Variants in FBXO30 observed in about 807,000 individuals in gnomAD.
FBXO30 encodes F-box only protein 30.
A neutral mutation model predicts 58.1 loss-of-function variants in FBXO30; 21 were observed. That is an observed-to-expected ratio of 0.36 (90% CI 0.26 to 0.52). FBXO30 has a LOEUF of 0.52. FBXO30 is among the 20% of genes least tolerant of loss of function. The pLI, the probability that FBXO30 is intolerant of heterozygous loss-of-function variation, is 0.93. For synonymous variants in FBXO30, 309 were observed against 312.4 expected, an observed-to-expected ratio of 0.99 and a Z score of 0.11; for missense variants, 744 against 897.3, an observed-to-expected ratio of 0.83 and a Z score of 2.18.
In FBXO30 at chr6:145,811,045, CTAAG is replaced by C. The variant is rs750436180; in HGVS notation, c.-17+3554_-17+3557del. On this transcript the variant is annotated intron_variant, in intron 1 of 2. Coordinates refer to ENST00000237281, the MANE Select transcript of FBXO30 (RefSeq NM_032145.5). ...TTCCTTGGTAATACTAGTGACAACT[CTAAG>C]TAAGTCATCATTCTGTATAATATCT... Among the ~76,000 whole-genome samples the C allele has an allele frequency of 4.6e-5, 7 of 152,286 alleles. No individual in the cohort carries two copies. In the East Asian group the frequency reaches 1.2e-3, roughly 25 times the overall value.
At chr6:145,814,389 G>A (rs1778435216) in intron 1 of FBXO30, among the ~76,000 whole-genome samples, 2 of 152,092 alleles carry the variant, frequency 1.3e-5, no homozygotes, top group South Asian at 4.1e-4. Context: ...GAGCGCGGCG[G>A]ACGCCCTCTC....
chr6:145,804,271 G>C lies in FBXO30; in HGVS notation c.2034+101C>G, dbSNP rs186563723. ...CATCACACTGATTTAGTAAGTTTTA[G>C]GGAATGGTCAATTTCTCAACAAGAT... On this transcript the variant is annotated intron_variant, in intron 2 of 2. Coordinates refer to ENST00000237281, the MANE Select transcript of FBXO30 (RefSeq NM_032145.5). The C allele has an allele frequency of 4.8e-4, 501 of 1,040,812 alleles. 1 individual carries two copies. The African/African-American group carries it at 7.4e-3, about 15-fold the overall frequency. The allele number at this position is 1,040,812 out of a possible 1,614,324, so 64.5% of individuals were successfully genotyped here. A position where few individuals can be genotyped will look rare whatever the true frequency, so the allele number is the denominator to read the frequency against.
intron 1 of FBXO30, among the ~76,000 whole-genome samples, chr6:145,812,174 A>G (rs1778352341): frequency 1.3e-5 from 2 of 152,248 alleles, no homozygotes; most frequent in South Asian, 4.1e-4. Context: ...AAAATGGATG[A>G]CCTAATTATA....
chr6:145,801,984 G>C (rs145387649), intron 2 of FBXO30, among the ~76,000 whole-genome samples: 16 of 152,164 alleles, frequency 1.1e-4, no homozygotes, highest in African/African-American at 3.6e-4. Flanking sequence ...CTTAGTAATG[G>C]ATCCATCTTT....
rs1157626594 is a variant in FBXO30 at position 145,804,371 on chromosome 6, CCTTTT to C, written c.2030_2034del (p.Glu677GlyfsTer5). 19 of 1,607,680 alleles carry C rather than the reference CCTTTT, an allele frequency of 1.2e-5. No homozygotes were observed. Among genetic ancestry groups the C allele is most frequent in the East Asian group, 4.5e-5 (2 of 44,854 alleles). On this transcript the variant is annotated frameshift_variant and splice_region_variant, in exon 2 of 3. Transcript: ENST00000237281. LOFTEE classifies it high-confidence loss of function. ...TAAGAGGTTGTAAAGATTACACTAA[CCTTTT>C]CTTTTATCTGCCATGATGAATTTCC...
At chr6:145,800,901 A>C (rs917069001) in intron 2 of FBXO30, among the ~76,000 whole-genome samples, 2 of 152,146 alleles carry the variant, frequency 1.3e-5, no homozygotes, top group African/African-American at 4.8e-5. Flanking sequence ...ATTTTATATA[A>C]AAATAATATT....
At chr6:145,804,332 C>T (rs1453350697) in intron 2 of FBXO30, 40 bp downstream of exon 2, 2 of 1,523,482 alleles carry the variant, frequency 1.3e-6, no homozygotes, top group Non-Finnish European at 1.8e-6. Flanking sequence ...TATTAAAGTC[C>T]TCTTTATGTC....
intron 1 of FBXO30, among the ~76,000 whole-genome samples, chr6:145,811,651 G>A (rs1562248012): frequency 6.6e-6 from 1 of 152,238 alleles, no homozygotes; most frequent in Non-Finnish European, 1.5e-5. Context: ...GATTAGGGTA[G>A]AGAGTGAGAA....
At chr6:145,813,593 A>C (rs1778395760) in intron 1 of FBXO30, among the ~76,000 whole-genome samples, 2 of 152,246 alleles carry the variant, frequency 1.3e-5, no homozygotes, top group Admixed American at 6.5e-5. Context: ...CAAATGCAAA[A>C]CCTGTTAATA....
chr6:145,810,869 C>T (rs1988640), intron 1 of FBXO30, among the ~76,000 whole-genome samples: 1,650 of 152,304 alleles, frequency 0.011, 13 homozygotes, highest in Admixed American at 0.017. Flanking sequence ...GCCTCTACCT[C>T]TAACACACAG....
intron 1 of FBXO30, among the ~76,000 whole-genome samples, chr6:145,810,699 A>G (rs763271912): frequency 6.6e-6 from 1 of 152,256 alleles, no homozygotes; most frequent in Non-Finnish European, 1.5e-5. Context: ...CATTAAAGGC[A>G]TAAATATATT....
rs1361297015 is a variant in FBXO30 at position 145,795,927 on chromosome 6, A to G, written c.*4179T>C. The G allele has an allele frequency of 1.3e-5, 2 of 151,950 alleles. No individual in the cohort carries two copies. Among genetic ancestry groups the G allele is most frequent in the South Asian group, 2.1e-4 (1 of 4,836 alleles). The allele number at this position is 151,950 out of a possible 1,614,324, so 9.4% of individuals were successfully genotyped here. Reference sequence around the variant, plus strand: ...ATTTCGCAAAGATTTTCAGAGCAACATATCACACTTGGTTAGTTAGTTTCC... The same window carrying G: ...ATTTCGCAAAGATTTTCAGAGCAACGTATCACACTTGGTTAGTTAGTTTCC... On this transcript the variant is annotated 3_prime_UTR_variant, in exon 3 of 3. Transcript: ENST00000237281.
rs1352409371 is a variant in FBXO30, at chr6:145,796,225, T to C, written c.*3881A>G. 4 of 151,976 alleles carry C rather than the reference T, an allele frequency of 2.6e-5. No individual in the cohort carries two copies. The highest frequency in any genetic ancestry group is 6.6e-5 in the Admixed American group (1 of 15,240). The allele number at this position is 151,976 out of a possible 1,614,324, so 9.4% of individuals were successfully genotyped here. On this transcript the variant is annotated 3_prime_UTR_variant, in exon 3 of 3. Transcript: ENST00000237281. ...AATCTTTTAAATAAAGGGAAATAAT[T>C]ATGTAAAAGATGACTTCAAAAGCAA...
chr6:145,811,356 C>T (rs998248499), intron 1 of FBXO30, among the ~76,000 whole-genome samples: 1 of 152,120 alleles, frequency 6.6e-6, no homozygotes, highest in Admixed American at 6.5e-5. Context: ...GGTGCTCAAA[C>T]ACATGTTAAG....
chr6:145,809,865 C>T (rs952325817), intron 1 of FBXO30: 1 of 152,138 alleles, frequency 6.6e-6, no homozygotes, highest in Non-Finnish European at 1.5e-5. Context: ...TCTAGCTCCA[C>T]GTCTGATCAA....
At chr6:145,804,241 T>G (rs1778093594) in intron 2 of FBXO30, 131 bp downstream of exon 2, 1 of 747,634 alleles carries the variant, frequency 1.3e-6, no homozygotes, top group African/African-American at 1.8e-5. Context: ...TAAGAAAAAG[T>G]CTGTCATCAC....
chr6:145,814,404 C>A (rs954705772), intron 1 of FBXO30, among the ~76,000 whole-genome samples, 199 bp downstream of exon 1: 4 of 152,054 alleles, frequency 2.6e-5, no homozygotes, highest in Non-Finnish European at 5.9e-5. Flanking sequence ...CCTCTCAGGG[C>A]GCCCGGACGG....
In FBXO30 at chr6:145,794,325, A is replaced by G. The variant is rs1777828591; in HGVS notation, c.*5781T>C. On this transcript the variant is annotated 3_prime_UTR_variant, in exon 3 of 3. Coordinates refer to ENST00000237281, the MANE Select transcript of FBXO30 (RefSeq NM_032145.5). ...GTAAATCATGAGAAAAGGAAGCTAA[A>G]TGACATCTTAGGTAAGCCAATCGGC... is the stretch of plus-strand genomic sequence containing the variant. The G allele has an allele frequency of 6.6e-6, 1 of 151,996 alleles. No homozygotes were observed. The highest frequency in any genetic ancestry group is 2.1e-4 in the South Asian group (1 of 4,834). 9.4% of individuals were successfully genotyped at this position (151,996 alleles called of 1,614,324 possible).
chr6:145,800,440 T>C (rs1161174583), intron 2 of FBXO30, 131 bp from the exon 3 acceptor site: 7 of 656,600 alleles, frequency 1.1e-5, no homozygotes, highest in Non-Finnish European at 1.8e-5. Flanking sequence ...AGCTATAAAA[T>C]TAAAAATTGG....
Sources: allele counts gnomAD v4.1 joint callset (sites outside exome capture counted in the v4.1 genomes callset), GRCh38; gene constraint gnomAD v4.1.1; transcripts MANE v1.5; gene names NCBI Gene and HGNC (gene_info 2026-07-23, HGNC 2026-07-21).